IPO11: variants seen among roughly 807,000 people sequenced by gnomAD.
IPO11 encodes importin 11.
In IPO11, 66 loss-of-function variants were observed where a neutral mutation model predicts 143.2. The observed-to-expected ratio is 0.46, with a 90% CI of 0.38 to 0.57. The LOEUF (loss-of-function observed/expected upper bound fraction) is 0.57. Ranked by LOEUF, IPO11 falls within the 20% of genes least tolerant of loss-of-function variation. The pLI is 0.00. For missense variants in IPO11, 1,026 were observed against 1,141.0 expected, an observed-to-expected ratio of 0.90 and a Z score of 1.45; for synonymous variants, 385 against 377.8, an observed-to-expected ratio of 1.02 and a Z score of -0.22.
chr5:62,550,404 G>T lies in IPO11; in HGVS notation c.2288G>T (p.Gly763Val). Residue 763 changes from glycine (G) to valine (V), a missense_variant, in exon 25 of 30, where the codon GGT becomes GTT. By Grantham distance (109) the Gly-to-Val change is moderately radical. Transcript: ENST00000325324. ...GCCCTTAAAGTGAACCCAATACTAG[G>T]TCCACAAATGTTTCAACCGATTTTA... The part of the protein sequence containing the change: ...ENALKVNPIL[G>V]PQMFQPILPY... 1.2e-6 allele frequency: 2 copies of T among 1,612,918 alleles called. No individual in the cohort carries two copies. The highest frequency in any genetic ancestry group is 1.7e-6 in the Non-Finnish European group (2 of 1,179,350).
At chr5:62,423,033 G>A (rs546818461) in intron 1 of IPO11, among the ~76,000 whole-genome samples, 2 of 152,240 alleles carry the variant, frequency 1.3e-5, no homozygotes, top group African/African-American at 2.4e-5. Context: ...TTAGAAAAAA[G>A]GGTGTTAGAT....
At chr5:62,582,282 A>G (rs1744596801) in intron 27 of IPO11, among the ~76,000 whole-genome samples, 2 of 152,218 alleles carry the variant, frequency 1.3e-5, no homozygotes, top group South Asian at 4.1e-4. Context: ...GGATACTGGC[A>G]AAAAGGATGG....
At position 62,628,526 on chromosome 5, in the gene IPO11, T is replaced by G. The variant is rs979569800; in HGVS notation, c.*1208T>G. Reference sequence around the variant, plus strand: ...ACCCAAACTGTATGGGGATATTTGATGTTTTCAGAAAGAGGAAGAAAATAT... The same window carrying G: ...ACCCAAACTGTATGGGGATATTTGAGGTTTTCAGAAAGAGGAAGAAAATAT... On this transcript the variant is annotated 3_prime_UTR_variant, in exon 30 of 30. Transcript: ENST00000325324. 12 of 152,642 alleles carry G rather than the reference T, an allele frequency of 7.9e-5. No homozygotes were observed. Among genetic ancestry groups the G allele is most frequent in the Non-Finnish European group, 2.9e-5 (2 of 68,044 alleles). The allele number at this position is 152,642 out of a possible 1,614,324, so 9.5% of individuals were successfully genotyped here.
rs951768586 is a variant in IPO11 at position 62,593,955 on chromosome 5, C to G, written c.2678+2283C>G. ...GGCATAAATAAACTTTCAGAAATGC[C>G]TGTGTGAGAAACATAAAATACATAC... is the stretch of plus-strand genomic sequence containing the variant. On this transcript the variant is annotated intron_variant, in intron 28 of 29. Transcript: ENST00000325324. 3.9e-5 allele frequency among the ~76,000 whole-genome samples: 6 copies of G among 152,148 alleles called. No individual in the cohort carries two copies. The East Asian group carries it at 1.2e-3, about 29-fold the overall frequency.
intron 21 of IPO11, among the ~76,000 whole-genome samples, chr5:62,526,992 A>T (rs1254881831): frequency 2.6e-5 from 4 of 152,052 alleles, no homozygotes; most frequent in African/African-American, 4.8e-5. Flanking sequence ...CTTTGGAACT[A>T]ACTGTTTTTG....
At chr5:62,444,501 T>C (rs1401261696) in intron 3 of IPO11, among the ~76,000 whole-genome samples, 1 of 152,186 alleles carries the variant, frequency 6.6e-6, no homozygotes, top group Admixed American at 6.5e-5. Flanking sequence ...GCAGCACTTT[T>C]CTACTGCTTT....
intron 27 of IPO11, among the ~76,000 whole-genome samples, chr5:62,561,575 A>T (rs1388398633): frequency 6.6e-6 from 1 of 152,136 alleles, no homozygotes; most frequent in Non-Finnish European, 1.5e-5. Context: ...GTTTACATAG[A>T]TATATTAAAT....
chr5:62,605,062 T>C (rs937692749), intron 29 of IPO11, among the ~76,000 whole-genome samples: 2 of 152,236 alleles, frequency 1.3e-5, no homozygotes, highest in Non-Finnish European at 2.9e-5. Context: ...TGGCAAATGG[T>C]TATGAATTAT....
chr5:62,548,907 G>C (rs921653287), intron 24 of IPO11, among the ~76,000 whole-genome samples: 1 of 151,638 alleles, frequency 6.6e-6, no homozygotes, highest in African/African-American at 2.4e-5. Context: ...TTTTTTTTCT[G>C]TAATTTTAGT....
chr5:62,479,131 A>T (rs1273406372), intron 9 of IPO11, among the ~76,000 whole-genome samples: 1 of 151,864 alleles, frequency 6.6e-6, no homozygotes, highest in Non-Finnish European at 1.5e-5. Context: ...GTTCCCCACC[A>T]TGTGTCCAAG....
chr5:62,511,135 G>A (rs1178273897), intron 19 of IPO11, among the ~76,000 whole-genome samples: 1 of 152,058 alleles, frequency 6.6e-6, no homozygotes, highest in Non-Finnish European at 1.5e-5. Context: ...ATATTTTATG[G>A]CTTTTAAATG....
intron 16 of IPO11, among the ~76,000 whole-genome samples, chr5:62,502,783 A>ATTTCT (rs1037486520): frequency 2.6e-5 from 4 of 152,012 alleles, no homozygotes; most frequent in East Asian, 1.9e-4. Context: ...TGGCAGTTTG[A>ATTTCT]TTTCTTTTCT....
chr5:62,598,379 GCTTGCTTGC>G lies in IPO11; in HGVS notation c.2679-3384_2679-3376del, dbSNP rs1745306453. Among the ~76,000 whole-genome samples the G allele has an allele frequency of 4.1e-5, 2 of 48,574 alleles. 1 individual carries two copies. The highest frequency in any genetic ancestry group is 1.1e-3 in the East Asian group (2 of 1,846). 31.9% of individuals were successfully genotyped at this position (48,574 alleles called of 152,430 possible). ...ATGTGAAACGACCCATAAATTGTTT[GCTTGCTTGC>G]TTGCTTTCTTTCTTTCTTTCTTTCT... is the stretch of plus-strand genomic sequence containing the variant. On this transcript the variant is annotated intron_variant, in intron 28 of 29. Coordinates refer to ENST00000325324, the MANE Select transcript of IPO11 (RefSeq NM_016338.5).
chr5:62,514,946 CT>C (rs1370685243), intron 19 of IPO11, among the ~76,000 whole-genome samples: 1 of 152,124 alleles, frequency 6.6e-6, no homozygotes, highest in African/African-American at 2.4e-5. Flanking sequence ...GTTTGTCTGG[CT>C]GTCTGTGTAT....
intron 27 of IPO11, among the ~76,000 whole-genome samples, chr5:62,586,763 AAAAAAAT>A (rs1191914232): frequency 3.3e-5 from 3 of 90,574 alleles, no homozygotes; most frequent in African/African-American, 1.2e-4. Context: ...AAAAAAAAAA[AAAAAAAT>A]ATATATATAT....
intron 22 of IPO11, 126 bp from the exon 23 acceptor site, chr5:62,536,576 A>G: frequency 9.2e-7 from 1 of 1,082,852 alleles, no homozygotes; most frequent in South Asian, 1.7e-5. Flanking sequence ...GGTAGTCTTG[A>G]TAGTACTCGG....
At chr5:62,539,790 C>T (rs566210284) in intron 24 of IPO11, among the ~76,000 whole-genome samples, 9 of 152,204 alleles carry the variant, frequency 5.9e-5, no homozygotes, top group African/African-American at 2.2e-4. Flanking sequence ...TAAACTGACA[C>T]AGTGGCAATA....
chr5:62,485,128 T>C (rs1305725992), intron 11 of IPO11, among the ~76,000 whole-genome samples: 1 of 152,184 alleles, frequency 6.6e-6, no homozygotes, highest in Non-Finnish European at 1.5e-5. Flanking sequence ...GATCAGGTGA[T>C]AGCAGATACC....
intron 27 of IPO11, chr5:62,561,802 C>A (rs1743782032): frequency 6.6e-6 from 1 of 151,988 alleles, no homozygotes; most frequent in Non-Finnish European, 1.5e-5. Flanking sequence ...GTTTTAATTC[C>A]ATTTTGTGGA....
Sources: gnomAD v4.1 joint callset for allele counts (sites outside exome capture counted in the v4.1 genomes callset) on GRCh38, gnomAD v4.1.1 for gene constraint, MANE v1.5 for transcripts, NCBI Gene and HGNC (gene_info 2026-07-23, HGNC 2026-07-21) for gene names.